PLEKHG7: variants seen among roughly 807,000 people sequenced by gnomAD.
PLEKHG7 encodes the protein pleckstrin homology domain-containing family G member 7.
In PLEKHG7, 77 loss-of-function variants were observed where a neutral mutation model predicts 85.2. The ratio of observed to expected loss-of-function variants is 0.90; its 90% CI spans 0.75 to 1.09. The LOEUF (loss-of-function observed/expected upper bound fraction) is 1.09. Ranked by LOEUF, PLEKHG7 falls within the 50% of genes least tolerant of loss-of-function variation. The pLI is 0.00. For synonymous variants in PLEKHG7, 301 were observed against 302.4 expected (o/e 1.00, Z 0.05); for missense variants, 777 against 804.3 (o/e 0.97, Z 0.41).
At chr12:92,738,367 G>A (rs1872243736) in intron 7 of PLEKHG7, among the ~76,000 whole-genome samples, 1 of 152,168 alleles carries the variant, frequency 6.6e-6, no homozygotes, top group Admixed American at 6.5e-5. Flanking sequence ...TTTGCATCCT[G>A]GTGACTGTCT....
Position 92,706,566 on chromosome 12 carries a change from G to T in PLEKHG7, c.-66G>T. 2.0e-6 allele frequency: 3 copies of T among 1,511,806 alleles called. No homozygotes were observed. The highest frequency in any genetic ancestry group is 1.3e-5 in the South Asian group (1 of 74,164). 93.6% of individuals were successfully genotyped at this position (1,511,806 alleles called of 1,614,324 possible). A position where few individuals can be genotyped will look rare whatever the true frequency, so the allele number is the denominator to read the frequency against. On this transcript the variant is annotated 5_prime_UTR_variant, in exon 2 of 17. The change abolishes the stop of an existing upstream ORF in the 5' untranslated region. Coordinates refer to ENST00000344636, the MANE Select transcript of PLEKHG7 (RefSeq NM_001377329.1). ...TGCAGAAATTGAGCACCCTCCATGT[G>T]ATCCAGAGAACAGCAACTCATACGT...
intron 1 of PLEKHG7, 30 bp downstream of exon 1, chr12:92,703,162 G>A (rs1222469168): frequency 6.6e-6 from 1 of 152,296 alleles, no homozygotes; most frequent in Non-Finnish European, 1.5e-5. Flanking sequence ...GCTGCTTTCT[G>A]GGTTTCTCTC....
chr12:92,712,665 T>A (rs1295608983), intron 3 of PLEKHG7, among the ~76,000 whole-genome samples: 1 of 152,174 alleles, frequency 6.6e-6, no homozygotes, highest in African/African-American at 2.4e-5. Flanking sequence ...TTTTTCTAGC[T>A]AGAGGTAGCT....
chr12:92,771,768 G>T lies in PLEKHG7; in HGVS notation c.*1573G>T, dbSNP rs1231159583. The stretch of plus-strand genomic sequence containing the variant: ...TCGGAGGTGAGCAGTGGACTAGGAT[G>T]AGGTGGCCTCTCAAATTCCTTTAGT... On this transcript the variant is annotated 3_prime_UTR_variant, in exon 17 of 17. Transcript: ENST00000344636. The T allele has an allele frequency of 6.6e-6, 1 of 152,026 alleles. No individual in the cohort carries two copies. Among genetic ancestry groups the T allele is most frequent in the Non-Finnish European group, 1.5e-5 (1 of 67,912 alleles). 9.4% of individuals were successfully genotyped at this position (152,026 alleles called of 1,614,324 possible).
At chr12:92,765,863 T>A (rs1045392911) in intron 15 of PLEKHG7, among the ~76,000 whole-genome samples, 1 of 152,160 alleles carries the variant, frequency 6.6e-6, no homozygotes, top group East Asian at 1.9e-4. Context: ...ATAACCTCTC[T>A]CTCCAAGAGC....
In PLEKHG7 at chr12:92,772,395, C is replaced by T. The variant is rs906717319; in HGVS notation, c.*2200C>T. Reference sequence around the variant, plus strand: ...GAAATTGAACAACATTAAAACACCACTGTCTATATCCAAGTGCAAAGTCCT... The same window carrying T: ...GAAATTGAACAACATTAAAACACCATTGTCTATATCCAAGTGCAAAGTCCT... On this transcript the variant is annotated 3_prime_UTR_variant, in exon 17 of 17. Coordinates refer to ENST00000344636, the MANE Select transcript of PLEKHG7 (RefSeq NM_001377329.1). 1.3e-5 allele frequency: 2 copies of T among 151,878 alleles called. No homozygotes were observed. Among genetic ancestry groups the T allele is most frequent in the African/African-American group, 2.4e-5 (1 of 41,414 alleles). The allele number at this position is 151,878 out of a possible 1,614,324, so 9.4% of individuals were successfully genotyped here.
chr12:92,747,554 T>G (rs1872567686), intron 10 of PLEKHG7, among the ~76,000 whole-genome samples: 1 of 152,158 alleles, frequency 6.6e-6, no homozygotes, highest in African/African-American at 2.4e-5. Context: ...ATCCCACCAC[T>G]AGGTGTTTAG....
rs780655140 is a variant in PLEKHG7, at chr12:92,707,048, T to A, written c.417T>A (p.Pro139=). ...TDKYLPPELQ[P]VNEGSLHQAS... is the part of the protein sequence containing the mutation. Reference sequence around the variant, plus strand: ...AGTATCTCCCTCCTGAGCTTCAGCCTGTCAATGAAGGGTCCCTTCACCAGG... The same window carrying A: ...AGTATCTCCCTCCTGAGCTTCAGCCAGTCAATGAAGGGTCCCTTCACCAGG... The change falls in exon 2 of 17, where the codon CCT becomes CCA. Residue 139 remains proline, a synonymous_variant. Coordinates refer to ENST00000344636, the MANE Select transcript of PLEKHG7 (RefSeq NM_001377329.1). 2 of 1,613,968 alleles carry A rather than the reference T, an allele frequency of 1.2e-6. No homozygotes were observed. The highest frequency in any genetic ancestry group is 2.2e-5 in the South Asian group (2 of 91,060).
intron 16 of PLEKHG7, 59 bp downstream of exon 16, chr12:92,769,139 A>C (rs937637685): frequency 1.7e-5 from 21 of 1,248,706 alleles, no homozygotes; most frequent in Middle Eastern, 1.9e-4. Flanking sequence ...GCTCCCCCCA[A>C]GTGTCTTAAG....
At chr12:92,756,148 G>T in intron 12 of PLEKHG7, 150 bp from the exon 13 acceptor site, 1 of 707,104 alleles carries the variant, frequency 1.4e-6, no homozygotes, top group Non-Finnish European at 2.4e-6. Flanking sequence ...TTCTGAGAGG[G>T]TTTTTCATTG....
intron 16 of PLEKHG7, 131 bp downstream of exon 16, chr12:92,769,211 G>A: frequency 1.6e-6 from 1 of 630,340 alleles, no homozygotes; most frequent in Non-Finnish European, 2.7e-6. Context: ...AGATTTGGGA[G>A]GAGGGGAGGG....
chr12:92,735,893 T>C (rs921398508), intron 5 of PLEKHG7, among the ~76,000 whole-genome samples: 8 of 152,194 alleles, frequency 5.3e-5, no homozygotes, highest in Non-Finnish European at 1.2e-4. Context: ...CATATTATCT[T>C]AGAAATCAGA....
At chr12:92,740,424 A>G (rs1043806146) in intron 7 of PLEKHG7, among the ~76,000 whole-genome samples, 10 of 152,252 alleles carry the variant, frequency 6.6e-5, no homozygotes, top group Admixed American at 4.6e-4. Context: ...CTCATTAAAT[A>G]TCTACTTTTA....
At chr12:92,711,211 T>C (rs1321682762) in intron 3 of PLEKHG7, among the ~76,000 whole-genome samples, 1 of 152,178 alleles carries the variant, frequency 6.6e-6, no homozygotes, top group Non-Finnish European at 1.5e-5. Flanking sequence ...AGAAAAGGCT[T>C]GTAGTGCTAC....
chr12:92,764,118 T>C lies in PLEKHG7; in HGVS notation c.1794T>C (p.Gly598=), dbSNP rs1369234439. Residue 598 remains glycine, a synonymous_variant, in exon 15 of 17, where the codon GGT becomes GGC. Transcript: ENST00000344636. ...PELQAVIKEG[G]SCTVLDQPIP... Reference sequence around the variant, plus strand: ...TGCAAGCAGTAATAAAAGAGGGTGGTTCGTGTACAGTACTCGATCAGCCTA... The same window carrying C: ...TGCAAGCAGTAATAAAAGAGGGTGGCTCGTGTACAGTACTCGATCAGCCTA... The C allele has an allele frequency of 6.2e-7, 1 of 1,613,286 alleles. No homozygotes were observed.
chr12:92,740,763 C>G, intron 7 of PLEKHG7, 90 bp from the exon 8 acceptor site: 1 of 793,532 alleles, frequency 1.3e-6, no homozygotes, highest in South Asian at 1.6e-5. Context: ...TAAAGTTACA[C>G]CCAGGAGGTT....
Position 92,761,636 on chromosome 12 carries a change from AAGAAAGAAAGAAAG to A in PLEKHG7, c.1637-114_1637-101del, listed in dbSNP as rs1243414823. 131 of 440,036 alleles carry A rather than the reference AAGAAAGAAAGAAAG, an allele frequency of 3.0e-4. 2 individuals are homozygous for A. In the South Asian group the frequency reaches 5.1e-3, roughly 17 times the overall value. 27.3% of individuals were successfully genotyped at this position (440,036 alleles called of 1,614,324 possible). A position where few individuals can be genotyped will look rare whatever the true frequency, so the allele number is the denominator to read the frequency against. ...GAAAGAAAGAAAGAAGAAAGAAAGA[AAGAAAGAAAGAAAG>A]AAAGAAAGAAAGAAAGAAAGAAAGA... is the stretch of plus-strand genomic sequence containing the variant. On this transcript the variant is annotated intron_variant, in intron 13 of 16. Coordinates refer to ENST00000344636, the MANE Select transcript of PLEKHG7 (RefSeq NM_001377329.1).
At chr12:92,717,940 G>T (rs923612534) in intron 3 of PLEKHG7, among the ~76,000 whole-genome samples, 3 of 152,146 alleles carry the variant, frequency 2.0e-5, no homozygotes, top group Non-Finnish European at 2.9e-5. Flanking sequence ...TATTCTTAGA[G>T]AAACCATTCA....
chr12:92,760,644 C>CT (rs1169245065), intron 13 of PLEKHG7, among the ~76,000 whole-genome samples: 2 of 152,080 alleles, frequency 1.3e-5, no homozygotes, highest in Admixed American at 6.6e-5. Flanking sequence ...AAATTTAACC[C>CT]TTTTTTCTAA....
Sources: gnomAD v4.1 joint callset for allele counts (sites outside exome capture counted in the v4.1 genomes callset) on GRCh38, gnomAD v4.1.1 for gene constraint, MANE v1.5 for transcripts, NCBI Gene and HGNC (gene_info 2026-07-23, HGNC 2026-07-21) for gene names.